Variants in THSD7A observed in about 807,000 individuals in gnomAD.
THSD7A encodes the protein thrombospondin type-1 domain-containing protein 7A.
A neutral mutation model predicts 231.3 loss-of-function variants in THSD7A; 96 were observed. The observed-to-expected ratio is 0.41, with a 90% CI of 0.35 to 0.49. The LOEUF (loss-of-function observed/expected upper bound fraction) is 0.49. THSD7A is among the 20% of genes least tolerant of loss of function. The probability of loss-of-function intolerance (pLI) is 0.05; values close to 1 mark genes in which losing one functional copy is unlikely to be tolerated. For missense variants in THSD7A, 2,290 were observed against 2,070.2 expected (o/e 1.11, Z -2.06); for synonymous variants, 940 against 743.3 (o/e 1.26, Z -4.30).
chr7:11,696,609 C>T (rs939544572), intron 1 of THSD7A, among the ~76,000 whole-genome samples: 1 of 151,164 alleles, frequency 6.6e-6, no homozygotes. Context: ...CCGACAGGCC[C>T]CGCCAAATCA....
Position 11,541,479 on chromosome 7 carries a change from T to C in THSD7A, c.1762A>G (p.Asn588Asp), listed in dbSNP as rs373135683. The C allele has an allele frequency of 4.3e-6, 7 of 1,613,840 alleles. No individual in the cohort carries two copies. Among genetic ancestry groups the C allele is most frequent in the South Asian group, 1.1e-5 (1 of 91,092 alleles). Reference protein sequence around the residue: ...AVRLGNCEPDNGKECGPGTQV... With the variant: ...AVRLGNCEPDDGKECGPGTQV... Reference sequence around the variant, plus strand: ...GTGCCTGGACCACACTCCTTTCCGTTATCTGGCTCGCAGTTTCCCAGTCTC... The same window carrying C: ...GTGCCTGGACCACACTCCTTTCCGTCATCTGGCTCGCAGTTTCCCAGTCTC... Residue 588 changes from asparagine (N) to aspartate (D), a missense_variant, in exon 6 of 28, where the codon AAC (asparagine) becomes GAC (aspartate). Asn to Asp is a conservative substitution (Grantham distance 23, BLOSUM62 1). Coordinates refer to ENST00000423059, the MANE Select transcript of THSD7A (RefSeq NM_015204.3).
Position 11,526,008 on chromosome 7 carries a change from AG to A in THSD7A, c.1822+15410del, listed in dbSNP as rs1243643297. On this transcript the variant is annotated intron_variant, in intron 6 of 27. Transcript: ENST00000423059. Reference sequence around the variant, plus strand: ...AGCCAGAGTTCATGGTTTAGTCTAAAGAAAGAGAGCAAGAGTGTGTCTCAAC... The same window carrying A: ...AGCCAGAGTTCATGGTTTAGTCTAAAAAAGAGAGCAAGAGTGTGTCTCAAC... 3.9e-5 allele frequency among the ~76,000 whole-genome samples: 6 copies of A among 152,330 alleles called. No homozygotes were observed. In the East Asian group the frequency reaches 1.2e-3, roughly 29 times the overall value.
At chr7:11,482,988 G>T (rs142886503) in intron 6 of THSD7A, among the ~76,000 whole-genome samples, 156 of 152,248 alleles carry the variant, frequency 1.0e-3, no homozygotes, top group African/African-American at 3.5e-3. Flanking sequence ...ACGAGGTCAA[G>T]GGAACAGAAC....
At chr7:11,424,332 G>C (rs994973679) in intron 16 of THSD7A, among the ~76,000 whole-genome samples, 2 of 152,224 alleles carry the variant, frequency 1.3e-5, no homozygotes, top group African/African-American at 4.8e-5. Context: ...CAGTTAGCCA[G>C]TTTGATACAA....
At chr7:11,588,652 C>T (rs1458568144) in intron 4 of THSD7A, among the ~76,000 whole-genome samples, 3 of 151,936 alleles carry the variant, frequency 2.0e-5, no homozygotes, top group African/African-American at 7.3e-5. Flanking sequence ...AAAAAAATAC[C>T]CAGTTGCAAT....
intron 1 of THSD7A, among the ~76,000 whole-genome samples, chr7:11,653,729 C>T (rs1306558189): frequency 6.6e-6 from 1 of 151,822 alleles, no homozygotes; most frequent in Non-Finnish European, 1.5e-5. Context: ...GTAACCTCTT[C>T]AACAAGCACA....
chr7:11,626,305 G>C (rs112729068), intron 2 of THSD7A, among the ~76,000 whole-genome samples: 7,314 of 152,088 alleles, frequency 0.048, 240 homozygotes, highest in Non-Finnish European at 0.072. Flanking sequence ...AATAAAAGGA[G>C]CAGAAAGAAA....
intron 1 of THSD7A, among the ~76,000 whole-genome samples, chr7:11,660,105 T>C (rs1782871389): frequency 6.6e-6 from 1 of 151,600 alleles, no homozygotes; most frequent in Non-Finnish European, 1.5e-5. Context: ...CATATGCTTC[T>C]AGATGTAAAG....
At position 11,474,262 on chromosome 7, in the gene THSD7A, G is replaced by C; in HGVS notation, c.2252+72C>G. On this transcript the variant is annotated intron_variant, in intron 8 of 27. Coordinates refer to ENST00000423059, the MANE Select transcript of THSD7A (RefSeq NM_015204.3). The surrounding 1 kb of genome is among the most constrained non-coding windows in gnomAD (Gnocchi z 4.1). The stretch of plus-strand genomic sequence containing the variant: ...GCATCAAAATGTTCCATTTCATGAA[G>C]CCAGTGAAGCCTGAGCCAATCCTCT... 8.0e-7 allele frequency: 1 copy of C among 1,254,784 alleles called. No individual in the cohort carries two copies. The allele number at this position is 1,254,784 out of a possible 1,614,324, so 77.7% of individuals were successfully genotyped here. A position where few individuals can be genotyped will look rare whatever the true frequency, so the allele number is the denominator to read the frequency against.
chr7:11,556,917 A>G (rs1357969886), intron 4 of THSD7A, among the ~76,000 whole-genome samples: 2 of 152,020 alleles, frequency 1.3e-5, no homozygotes, highest in African/African-American at 4.8e-5. Flanking sequence ...GATTTTTATT[A>G]TAATATGTCT....
At chr7:11,580,083 T>C (rs542679333) in intron 4 of THSD7A, among the ~76,000 whole-genome samples, 2 of 152,284 alleles carry the variant, frequency 1.3e-5, no homozygotes, top group South Asian at 2.1e-4. Context: ...GTTCTCTAAA[T>C]CGCATAAGCT....
chr7:11,728,011 G>A (rs1781605028), intron 1 of THSD7A, among the ~76,000 whole-genome samples: 1 of 151,976 alleles, frequency 6.6e-6, no homozygotes, highest in South Asian at 2.1e-4. Context: ...GTTCTGAAGT[G>A]TTGTAAGAAC....
intron 1 of THSD7A, among the ~76,000 whole-genome samples, chr7:11,665,010 G>C (rs1331001752): frequency 1.3e-5 from 2 of 152,032 alleles, no homozygotes; most frequent in Admixed American, 6.6e-5. Flanking sequence ...CACAATACAG[G>C]AGATATCGAT....
chr7:11,485,480 T>C (rs748281916), intron 6 of THSD7A, among the ~76,000 whole-genome samples: 5 of 152,236 alleles, frequency 3.3e-5, no homozygotes, highest in African/African-American at 4.8e-5. Flanking sequence ...ATGCTAAGAA[T>C]GTATGAATGT....
intron 1 of THSD7A, among the ~76,000 whole-genome samples, chr7:11,733,630 A>T (rs987945143): frequency 6.6e-6 from 1 of 151,934 alleles, no homozygotes; most frequent in Middle Eastern, 3.4e-3. Flanking sequence ...AGAAGGCAGG[A>T]AGTGAAGATC....
chr7:11,499,838 G>C (rs1474480276), intron 6 of THSD7A, among the ~76,000 whole-genome samples: 1 of 152,202 alleles, frequency 6.6e-6, no homozygotes, highest in Non-Finnish European at 1.5e-5. Flanking sequence ...CCAAATCTAT[G>C]AATCAGTGGC....
At chr7:11,719,908 C>T (rs146075972) in intron 1 of THSD7A, among the ~76,000 whole-genome samples, 56 of 151,742 alleles carry the variant, frequency 3.7e-4, no homozygotes, top group African/African-American at 1.3e-3. Context: ...AAGGATGAAC[C>T]GTTCTACTTT....
chr7:11,545,825 G>A (rs1487677489), intron 4 of THSD7A, among the ~76,000 whole-genome samples: 2 of 152,154 alleles, frequency 1.3e-5, no homozygotes, highest in Non-Finnish European at 2.9e-5. Context: ...AGCTGCAGAA[G>A]AGCATGGCCA....
At chr7:11,392,992 G>A (rs1486767693) in intron 23 of THSD7A, among the ~76,000 whole-genome samples, 7 of 152,216 alleles carry the variant, frequency 4.6e-5, no homozygotes, top group Non-Finnish European at 1.0e-4. Flanking sequence ...CTGCCTGATG[G>A]CTCTGAAGAG....
Sources: allele counts gnomAD v4.1 joint callset (sites outside exome capture counted in the v4.1 genomes callset), GRCh38; gene constraint gnomAD v4.1.1; non-coding constraint Gnocchi (gnomAD v3.1); transcripts MANE v1.5; gene names NCBI Gene and HGNC (gene_info 2026-07-23, HGNC 2026-07-21).